Variants in PHLPP1 observed in about 807,000 individuals in gnomAD.
The protein encoded by PHLPP1 is PH domain and leucine rich repeat protein phosphatase 1.
A neutral mutation model predicts 117.2 loss-of-function variants in PHLPP1; 42 were observed. That is an observed-to-expected ratio of 0.36 (90% CI 0.28 to 0.46). The LOEUF (loss-of-function observed/expected upper bound fraction) is 0.46. Among genes scored for constraint, PHLPP1 ranks in the 20% least tolerant of loss-of-function variants. The pLI is 1.00. For missense variants in PHLPP1, 2,084 were observed against 2,241.9 expected (o/e 0.93, Z 1.42); for synonymous variants, 1,042 against 970.7 (o/e 1.07, Z -1.37).
chr18:62,962,298 T>C (rs145619089), intron 13 of PHLPP1, among the ~76,000 whole-genome samples: 1 of 152,220 alleles, frequency 6.6e-6, no homozygotes, highest in African/African-American at 2.4e-5. Context: ...TGTTATGTTA[T>C]GTTATGTGTT....
At chr18:62,777,317 A>G (rs935747896) in intron 1 of PHLPP1, among the ~76,000 whole-genome samples, 2 of 152,082 alleles carry the variant, frequency 1.3e-5, no homozygotes, top group African/African-American at 2.4e-5. Flanking sequence ...GCATCTTTCC[A>G]TGTGCCATTC....
chr18:62,832,424 T>C (rs1291299103), intron 2 of PHLPP1: 1 of 152,246 alleles, frequency 6.6e-6, no homozygotes, highest in Admixed American at 6.5e-5. Flanking sequence ...GAAAGATTAT[T>C]ATGCTTATAG....
chr18:62,827,195 T>C (rs147759122), intron 1 of PHLPP1, among the ~76,000 whole-genome samples: 1 of 152,228 alleles, frequency 6.6e-6, no homozygotes, highest in Non-Finnish European at 1.5e-5. Context: ...TCTGTTGTTA[T>C]GTTTCTGTCT....
At chr18:62,911,192 A>G (rs1438467826) in intron 8 of PHLPP1, among the ~76,000 whole-genome samples, 1 of 23,318 alleles carries the variant, frequency 4.3e-5, no homozygotes, top group African/African-American at 1.8e-4. Context: ...TAAAACCATA[A>G]AAACCCTAGA....
At chr18:62,805,775 G>A (rs1479552904) in intron 1 of PHLPP1, among the ~76,000 whole-genome samples, 1 of 151,988 alleles carries the variant, frequency 6.6e-6, no homozygotes, top group Non-Finnish European at 1.5e-5. Context: ...AAGAAACCTT[G>A]CCTATGTTAA....
intron 10 of PHLPP1, among the ~76,000 whole-genome samples, chr18:62,921,854 C>T (rs1380192522): frequency 6.6e-6 from 1 of 152,174 alleles, no homozygotes; most frequent in Non-Finnish European, 1.5e-5. Flanking sequence ...GCAAGGACCA[C>T]CTTACCCAGA....
chr18:62,858,262 C>CT (rs34800076), intron 3 of PHLPP1, among the ~76,000 whole-genome samples: 1,682 of 128,306 alleles, frequency 0.013, 26 homozygotes, highest in African/African-American at 0.018. Flanking sequence ...TCAGCAGAAC[C>CT]TTTTTTTTTT....
intron 4 of PHLPP1, among the ~76,000 whole-genome samples, chr18:62,888,282 A>C (rs1409276278): frequency 1.4e-5 from 2 of 143,866 alleles, no homozygotes; most frequent in African/African-American, 5.2e-5. Flanking sequence ...AAAATATTTC[A>C]CAAAATGTGT....
At chr18:62,801,847 T>C (rs1487117547) in intron 1 of PHLPP1, among the ~76,000 whole-genome samples, 1 of 152,240 alleles carries the variant, frequency 6.6e-6, no homozygotes, top group Non-Finnish European at 1.5e-5. Context: ...TTTTCTTACC[T>C]ATGTCTTGTT....
intron 4 of PHLPP1, among the ~76,000 whole-genome samples, chr18:62,865,309 G>A (rs1207150083): frequency 6.6e-6 from 1 of 152,218 alleles, no homozygotes; most frequent in Non-Finnish European, 1.5e-5. Flanking sequence ...CTAGGCAACA[G>A]AGGGAAAACC....
intron 13 of PHLPP1, 85 bp downstream of exon 13, chr18:62,958,844 T>C: frequency 1.4e-6 from 2 of 1,465,422 alleles, no homozygotes; most frequent in South Asian, 2.4e-5. Flanking sequence ...AAACAAAATA[T>C]GAAGCATCAT....
chr18:62,849,797 CAAAAAAAAAAAAAAAAAAAAAA>C (rs1159265423), intron 3 of PHLPP1, among the ~76,000 whole-genome samples: 1 of 7,398 alleles, frequency 1.4e-4, no homozygotes, highest in African/African-American at 5.4e-4. Context: ...CCTGTCTCTA[CAAAAAAAAAAAAAAAAAAAAAA>C]AAAAAAAAAA....
chr18:62,735,456 G>A (rs981788279), intron 1 of PHLPP1, among the ~76,000 whole-genome samples: 16 of 152,022 alleles, frequency 1.1e-4, no homozygotes, highest in African/African-American at 3.6e-4. Flanking sequence ...TGTATAGTTG[G>A]AATGCTTATT....
intron 1 of PHLPP1, chr18:62,779,382 C>T (rs1232147831): frequency 1.3e-5 from 2 of 152,080 alleles, no homozygotes; most frequent in African/African-American, 2.4e-5. Flanking sequence ...TACTTGTCAC[C>T]CTGCCTCTTG....
chr18:62,836,341 A>G (rs2144337587), intron 2 of PHLPP1, among the ~76,000 whole-genome samples: 1 of 151,768 alleles, frequency 6.6e-6, no homozygotes, highest in Non-Finnish European at 1.5e-5. Context: ...CTGAGGCAGG[A>G]GAATCGCTTG....
chr18:62,716,472 G>A lies in PHLPP1; in HGVS notation c.789G>A (p.Pro263=). The change falls in exon 1 of 17, where the codon CCG becomes CCA. Residue 263 remains proline (P), a synonymous_variant. Coordinates refer to ENST00000262719, the MANE Select transcript of PHLPP1 (RefSeq NM_194449.4). The surrounding 1 kb of genome is among the most constrained non-coding windows in gnomAD (Gnocchi z 5.7). ...CCGCCGCCCGGGAGCCCGCTGAACC[G>A]CCCCCCGAGGCCGGCCCCCGGCTGG... ...GAAAAREPAE[P]PPEAGPRLAP... 2.4e-6 allele frequency: 3 copies of A among 1,233,106 alleles called. No individual in the cohort carries two copies. Among genetic ancestry groups the A allele is most frequent in the South Asian group, 3.7e-5 (1 of 27,178 alleles). The allele number at this position is 1,233,106 out of a possible 1,614,324, so 76.4% of individuals were successfully genotyped here.
intron 1 of PHLPP1, among the ~76,000 whole-genome samples, chr18:62,725,690 T>C (rs758520327): frequency 6.6e-6 from 1 of 152,226 alleles, no homozygotes. Context: ...AAAGATAGTT[T>C]GTGAACTGTG....
chr18:62,879,404 ATG>A lies in PHLPP1; in HGVS notation c.2067-15579_2067-15578del, dbSNP rs61701836. 8.2e-3 allele frequency among the ~76,000 whole-genome samples: 1,190 copies of A among 145,058 alleles called. 9 individuals carry two copies. The highest frequency in any genetic ancestry group is 0.044 in the South Asian group (202 of 4,544). On this transcript the variant is annotated intron_variant, in intron 4 of 16. Transcript: ENST00000262719. Reference sequence around the variant, plus strand: ...TAAATTACCCAATGGTATTCTGGATATGTGTGTGTGTGTGTGTGTGTGTGTGT... The same window carrying A: ...TAAATTACCCAATGGTATTCTGGATATGTGTGTGTGTGTGTGTGTGTGTGT...
chr18:62,924,121 A>G (rs1368634465), intron 10 of PHLPP1, among the ~76,000 whole-genome samples: 1 of 152,234 alleles, frequency 6.6e-6, no homozygotes, highest in Non-Finnish European at 1.5e-5. Context: ...TTGGTCTAGT[A>G]TAATTTAGGC....
Sources: gnomAD v4.1 joint callset for allele counts (sites outside exome capture counted in the v4.1 genomes callset) on GRCh38, gnomAD v4.1.1 for gene constraint, Gnocchi (gnomAD v3.1) non-coding constraint, MANE v1.5 for transcripts, NCBI Gene and HGNC (gene_info 2026-07-23, HGNC 2026-07-21) for gene names.